The following ZNF69 variants were observed in gnomAD, a reference collection of about 807,000 sequenced individuals.
ZNF69 encodes the protein ZNF3.
In ZNF69, 47 loss-of-function variants were observed where a neutral mutation model predicts 50.9. That is an observed-to-expected ratio of 0.92 (90% confidence interval 0.73 to 1.18). The LOEUF (loss-of-function observed/expected upper bound fraction) is 1.18. Among genes scored for constraint, ZNF69 ranks in the 50% most tolerant of loss-of-function variants. ZNF69 has a pLI of 0.00. For missense variants in ZNF69, 717 were observed against 675.1 expected, an observed-to-expected ratio of 1.06 and a Z score of -0.69; for synonymous variants, 216 against 223.1, an observed-to-expected ratio of 0.97 and a Z score of 0.29.
At chr19:11,939,678 C>G in the ZNF69 span, among the ~76,000 whole-genome samples, 1 of 152,138 alleles carries the variant, frequency 6.6e-6, no homozygotes, top group Non-Finnish European at 1.5e-5. Context: ...CCAGGCAGGT[C>G]TCAAACTGCT....
At chr19:11,913,479 C>G in exon 5 of ZNF69, 1 of 488,802 alleles carries the variant, frequency 2.0e-6, no homozygotes, top group Non-Finnish European at 3.7e-6. Flanking sequence ...ACCTCTGCCT[C>G]CAGGGTTCAA....
chr19:11,890,263 A>AT (rs1238802789), intron 1 of ZNF69, among the ~76,000 whole-genome samples: 2 of 152,110 alleles, frequency 1.3e-5, no homozygotes, highest in Non-Finnish European at 2.9e-5. Flanking sequence ...TCAGTGGGGG[A>AT]AAACCTTGGA....
At chr19:11,974,445 C>A in the ZNF69 span, among the ~76,000 whole-genome samples, 2 of 151,888 alleles carry the variant, frequency 1.3e-5, no homozygotes, top group African/African-American at 4.8e-5. Context: ...GATCCACCCG[C>A]CTTGGCCTCC....
intron 1 of ZNF69, among the ~76,000 whole-genome samples, chr19:11,900,527 A>G (rs1219609424): frequency 4.6e-5 from 7 of 151,204 alleles, no homozygotes; most frequent in Admixed American, 2.0e-4. Context: ...TAATTTTTGT[A>G]TTTTTACTAG....
At position 11,906,151 on chromosome 19, in the gene ZNF69, A is replaced by T. The variant is rs1450438363; in HGVS notation, c.*53A>T. 1 of 1,580,498 alleles carries T rather than the reference A, an allele frequency of 6.3e-7. No individual in the cohort carries two copies. The highest frequency in any genetic ancestry group is 1.2e-5 in the South Asian group (1 of 85,414). ...CTTTGAATGCATGGTAGGACACACA[A>T]TCAAGAGAAACCATGAATGTAAAGA... is the stretch of plus-strand genomic sequence containing the variant. On this transcript the variant is annotated 3_prime_UTR_variant, in exon 4 of 4. Transcript: ENST00000429654.
the ZNF69 span, chr19:11,979,427 C>T: frequency 9.3e-6 from 15 of 1,606,344 alleles, no homozygotes; most frequent in Non-Finnish European, 1.0e-5. Context: ...GACACAAACA[C>T]ACATAAGAAT....
the ZNF69 span, chr19:11,979,181 A>G: frequency 6.2e-7 from 1 of 1,612,314 alleles, no homozygotes; most frequent in Non-Finnish European, 8.5e-7. Flanking sequence ...CACACTGGAG[A>G]GAAACCCTAT....
chr19:11,957,192 T>C, the ZNF69 span, among the ~76,000 whole-genome samples: 1 of 151,458 alleles, frequency 6.6e-6, no homozygotes, highest in African/African-American at 2.4e-5. Context: ...CCCGGTTTCA[T>C]GCCATTCTCC....
At chr19:11,954,389 A>G in the ZNF69 span, among the ~76,000 whole-genome samples, 1 of 152,180 alleles carries the variant, frequency 6.6e-6, no homozygotes, top group Non-Finnish European at 1.5e-5. Flanking sequence ...TTCATTTAGA[A>G]TTTTAAGTAA....
chr19:11,950,529 TATGA>T, the ZNF69 span: 4 of 616,694 alleles, frequency 6.5e-6, no homozygotes, highest in African/African-American at 1.8e-5. Flanking sequence ...AGTGAAACCC[TATGA>T]ATGTAAGCAA....
At chr19:11,963,088 A>AGTGTGTGTGT in the ZNF69 span, among the ~76,000 whole-genome samples, 275 of 138,312 alleles carry the variant, frequency 2.0e-3, 1 homozygote, top group South Asian at 0.011. Context: ...AGAGAGAGAG[A>AGTGTGTGTGT]GTGTGTGTGT....
chr19:11,965,882 G>A, the ZNF69 span, among the ~76,000 whole-genome samples: 1 of 152,158 alleles, frequency 6.6e-6, no homozygotes, highest in Non-Finnish European at 1.5e-5. Flanking sequence ...TGCCTGGAAG[G>A]TGTAAGTTCC....
the ZNF69 span, among the ~76,000 whole-genome samples, chr19:11,970,877 G>A: frequency 6.6e-5 from 10 of 152,278 alleles, no homozygotes; most frequent in South Asian, 1.9e-3. Flanking sequence ...GTTGCAGTGA[G>A]CCGAGATCCC....
intron 1 of ZNF69, 130 bp from the exon 2 acceptor site, chr19:11,903,443 A>T: frequency 2.1e-6 from 3 of 1,447,486 alleles, no homozygotes; most frequent in Non-Finnish European, 2.8e-6. Context: ...GAAAGTAAGT[A>T]TACACAGGGA....
chr19:11,903,417 G>A (rs893980759), intron 1 of ZNF69, among the ~76,000 whole-genome samples, 156 bp from the exon 2 acceptor site: 1 of 152,126 alleles, frequency 6.6e-6, no homozygotes, highest in Non-Finnish European at 1.5e-5. Flanking sequence ...TCAAAAAAAA[G>A]AATTGCTTTA....
the ZNF69 span, among the ~76,000 whole-genome samples, chr19:11,933,846 GAAAA>G: frequency 1.9e-5 from 2 of 106,620 alleles, no homozygotes; most frequent in African/African-American, 3.7e-5. Context: ...CTCCATCTCA[GAAAA>G]AAAAAAAAAA....
chr19:11,957,526 T>C, the ZNF69 span, among the ~76,000 whole-genome samples: 1 of 152,108 alleles, frequency 6.6e-6, no homozygotes, highest in Non-Finnish European at 1.5e-5. Context: ...TGGGGTTGCA[T>C]ATAAGCCTAG....
At chr19:11,936,382 A>G in the ZNF69 span, among the ~76,000 whole-genome samples, 1 of 152,184 alleles carries the variant, frequency 6.6e-6, no homozygotes, top group Non-Finnish European at 1.5e-5. Flanking sequence ...TTGCCATTCT[A>G]ACTGGCGTGA....
chr19:11,937,460 CTTTATAGTAGA>C, the ZNF69 span, among the ~76,000 whole-genome samples: 1 of 147,432 alleles, frequency 6.8e-6, no homozygotes. Context: ...TAATACATGT[CTTTATAGTAGA>C]TTTTTCTTTT....
Sources: gnomAD v4.1 joint callset for allele counts (sites outside exome capture counted in the v4.1 genomes callset) on GRCh38, gnomAD v4.1.1 for gene constraint, MANE v1.5 for transcripts, NCBI Gene and HGNC (gene_info 2026-07-23, HGNC 2026-07-21) for gene names.